The following PRIM2 variants were observed in gnomAD, a reference collection of about 807,000 sequenced individuals.
The protein encoded by PRIM2 is DNA primase large subunit.
In PRIM2, 39 loss-of-function variants were observed where a neutral mutation model predicts 67.3. That is an observed-to-expected ratio of 0.58 (90% confidence interval 0.45 to 0.76). The LOEUF (loss-of-function observed/expected upper bound fraction) is 0.76, where lower values mean the gene tolerates loss of function less well. PRIM2 is among the 30% of genes least tolerant of loss of function. The pLI is 0.00. For synonymous variants in PRIM2, 143 were observed against 198.7 expected (o/e 0.72, Z 2.36); for missense variants, 398 against 598.7 (o/e 0.66, Z 3.50).
intron 4 of PRIM2, among the ~76,000 whole-genome samples, chr6:57,324,616 CAATT>C (rs1358085611): frequency 6.6e-6 from 1 of 152,100 alleles, no homozygotes; most frequent in Admixed American, 6.6e-5. Flanking sequence ...TTATAAGAAA[CAATT>C]AATGAAACCC....
chr6:57,543,732 C>T (rs1775227304), intron 10 of PRIM2, among the ~76,000 whole-genome samples: 2 of 152,124 alleles, frequency 1.3e-5, no homozygotes, highest in Admixed American at 6.5e-5. Flanking sequence ...CTTTACTTAC[C>T]TGTGCCTGTT....
the PRIM2 span, among the ~76,000 whole-genome samples, chr6:57,302,274 T>C: frequency 6.6e-6 from 1 of 152,224 alleles, no homozygotes; most frequent in African/African-American, 2.4e-5. Context: ...AGTTTGAATA[T>C]GGATAGAGAG....
At chr6:57,231,898 C>T in the PRIM2 span, among the ~76,000 whole-genome samples, 3 of 150,922 alleles carry the variant, frequency 2.0e-5, no homozygotes, top group African/African-American at 2.4e-5. Context: ...TTATCCCAAA[C>T]GCTAGGGAAA....
chr6:57,536,543 G>C (rs1229763068), intron 9 of PRIM2, among the ~76,000 whole-genome samples: 15 of 152,130 alleles, frequency 9.9e-5, no homozygotes, highest in Non-Finnish European at 2.2e-4. Flanking sequence ...ACCTCTTCAA[G>C]AATGCTTATA....
intron 7 of PRIM2, among the ~76,000 whole-genome samples, chr6:57,398,889 C>T (rs530380677): frequency 1.8e-4 from 28 of 152,108 alleles, no homozygotes; most frequent in Non-Finnish European, 3.4e-4. Context: ...AAGTCTTTAC[C>T]GTTATGAAAT....
chr6:57,364,184 G>A (rs1420472111), intron 5 of PRIM2, among the ~76,000 whole-genome samples: 1 of 150,860 alleles, frequency 6.6e-6, no homozygotes, highest in South Asian at 2.1e-4. Flanking sequence ...TTTTTAATCT[G>A]TCTGATAATT....
At chr6:57,632,297 C>T in intron 13 of PRIM2, 96 bp downstream of exon 13, 2 of 558,858 alleles carry the variant, frequency 3.6e-6, no homozygotes, top group Non-Finnish European at 5.7e-6. Context: ...ACCACTCTAG[C>T]TATTTTCAGC....
chr6:57,297,946 A>AG, the PRIM2 span, among the ~76,000 whole-genome samples: 1 of 152,260 alleles, frequency 6.6e-6, no homozygotes, highest in Non-Finnish European at 1.5e-5. Context: ...ATCATGGATC[A>AG]GAAAAAAAGA....
intron 10 of PRIM2, among the ~76,000 whole-genome samples, chr6:57,578,660 CCTT>C (rs1210336459): frequency 6.8e-6 from 1 of 146,230 alleles, no homozygotes; most frequent in African/African-American, 2.6e-5. Context: ...ACACCTCCTT[CCTT>C]CTTTTGTTTT....
At chr6:57,486,756 A>G (rs1368275094) in intron 7 of PRIM2, among the ~76,000 whole-genome samples, 1 of 152,262 alleles carries the variant, frequency 6.6e-6, no homozygotes, top group East Asian at 1.9e-4. Flanking sequence ...CTAGATAACT[A>G]GCATTGACAT....
intron 7 of PRIM2, among the ~76,000 whole-genome samples, chr6:57,472,393 C>CA (rs1281311931): frequency 0.058 from 7,864 of 136,056 alleles, 588 homozygotes; most frequent in African/African-American, 0.18. Flanking sequence ...TTGCGTGTGT[C>CA]AAAAAAAAAA....
intron 10 of PRIM2, among the ~76,000 whole-genome samples, chr6:57,582,841 G>GAA: frequency 6.7e-6 from 1 of 149,910 alleles, no homozygotes. Context: ...CAATGTGCAG[G>GAA]TTAGTTACAT....
At chr6:57,283,954 T>C in the PRIM2 span, among the ~76,000 whole-genome samples, 2 of 152,148 alleles carry the variant, frequency 1.3e-5, no homozygotes, top group African/African-American at 4.8e-5. Context: ...TTTAATTAAC[T>C]TTGCATGACA....
intron 5 of PRIM2, among the ~76,000 whole-genome samples, chr6:57,357,962 G>T (rs1769089484): frequency 6.6e-6 from 1 of 152,102 alleles, no homozygotes; most frequent in Admixed American, 6.6e-5. Flanking sequence ...TAAGTCTCCT[G>T]AAAGCAAAGG....
intron 7 of PRIM2, among the ~76,000 whole-genome samples, chr6:57,482,763 A>C (rs1773661244): frequency 6.6e-6 from 1 of 152,170 alleles, no homozygotes; most frequent in South Asian, 2.1e-4. Context: ...GAGACAGGAG[A>C]AAGTATCAGC....
chr6:57,467,544 T>G (rs1773234703), intron 7 of PRIM2, among the ~76,000 whole-genome samples: 2 of 152,356 alleles, frequency 1.3e-5, no homozygotes, highest in Admixed American at 1.3e-4. Flanking sequence ...TAGTATAGTT[T>G]GAAGTCAGGT....
the PRIM2 span, among the ~76,000 whole-genome samples, chr6:57,272,069 A>C: frequency 6.6e-6 from 1 of 152,168 alleles, no homozygotes; most frequent in African/African-American, 2.4e-5. Flanking sequence ...ATTTTGGAAT[A>C]GGTGTGGTGT....
chr6:57,323,237 A>T (rs115877601), intron 3 of PRIM2, among the ~76,000 whole-genome samples: 1 of 152,076 alleles, frequency 6.6e-6, no homozygotes. Flanking sequence ...ACGAAATTAT[A>T]TTTTCCAAAT....
At chr6:57,476,142 C>T (rs1490076505) in intron 7 of PRIM2, among the ~76,000 whole-genome samples, 1 of 152,142 alleles carries the variant, frequency 6.6e-6, no homozygotes, top group East Asian at 1.9e-4. Flanking sequence ...CCCTCATGAA[C>T]TTAAATATTA....
Sources: allele counts gnomAD v4.1 joint callset (sites outside exome capture counted in the v4.1 genomes callset), GRCh38; gene constraint gnomAD v4.1.1; transcripts MANE v1.5; gene names NCBI Gene and HGNC (gene_info 2026-07-23, HGNC 2026-07-21).